TESK2: variants seen among roughly 807,000 people sequenced by gnomAD.
TESK2 encodes dual specificity testis-specific protein kinase 2.
Under a neutral mutation model 57.1 loss-of-function variants are expected in TESK2, and 39 were observed. The observed-to-expected ratio is 0.68, with a 90% CI of 0.53 to 0.89. The LOEUF is 0.89. Ranked by LOEUF, TESK2 falls within the 40% of genes least tolerant of loss-of-function variation. TESK2 has a pLI of 0.00. For synonymous variants in TESK2, 249 were observed against 267.9 expected, an observed-to-expected ratio of 0.93 and a Z score of 0.69; for missense variants, 646 against 732.1, an observed-to-expected ratio of 0.88 and a Z score of 1.36.
intron 2 of TESK2, 57 bp downstream of exon 2, chr1:45,457,507 C>A: frequency 4.0e-6 from 6 of 1,499,682 alleles, no homozygotes; most frequent in Non-Finnish European, 5.6e-6. Context: ...CAACTATCAA[C>A]CTGCAGTAAA....
intron 1 of TESK2, among the ~76,000 whole-genome samples, chr1:45,471,210 G>A (rs1053587107): frequency 6.6e-5 from 10 of 151,884 alleles, no homozygotes; most frequent in East Asian, 1.9e-4. Flanking sequence ...CAGCCTGGTC[G>A]ACAGAGCAAG....
intron 1 of TESK2, among the ~76,000 whole-genome samples, chr1:45,459,590 C>T (rs1007870916): frequency 2.6e-5 from 4 of 152,170 alleles, no homozygotes; most frequent in Non-Finnish European, 5.9e-5. Context: ...ACCTATAATC[C>T]TAACACTTTG....
At chr1:45,463,976 T>C (rs941763532) in intron 1 of TESK2, among the ~76,000 whole-genome samples, 6 of 152,178 alleles carry the variant, frequency 3.9e-5, no homozygotes, top group Admixed American at 2.6e-4. Flanking sequence ...ATGTGATTCC[T>C]CCAGTTTTGT....
chr1:45,486,853 G>A (rs1470017217), intron 1 of TESK2, among the ~76,000 whole-genome samples: 2 of 107,024 alleles, frequency 1.9e-5, no homozygotes, highest in Non-Finnish European at 3.7e-5. Context: ...ACGGACTTTC[G>A]CTCTTGTTGC....
rs141882733 is a variant in TESK2 at position 45,359,482 on chromosome 1, C to T, written c.394-4033G>A. ...GGCTGAGGCAGGAGAATCACTTGAA[C>T]CCGGGAGGCGGAGGCTGCAGTGAAG... On this transcript the variant is annotated intron_variant, in intron 4 of 10. Coordinates refer to ENST00000372086, the MANE Select transcript of TESK2 (RefSeq NM_007170.3). Among the ~76,000 whole-genome samples, 353 of 151,820 alleles carry T rather than the reference C, an allele frequency of 2.3e-3. 6 individuals carry two copies. The East Asian group carries it at 0.031, about 13-fold the overall frequency.
intron 2 of TESK2, among the ~76,000 whole-genome samples, chr1:45,441,026 T>G (rs1557574941): frequency 6.6e-6 from 1 of 152,218 alleles, no homozygotes; most frequent in Non-Finnish European, 1.5e-5. Flanking sequence ...TCACTGTAGC[T>G]TTCAGAGACC....
intron 2 of TESK2, among the ~76,000 whole-genome samples, chr1:45,434,159 A>AATTTTTGT (rs1651091699): frequency 6.6e-6 from 1 of 151,902 alleles, no homozygotes; most frequent in Admixed American, 6.6e-5. Context: ...ACACCCAGTT[A>AATTTTTGT]ATTTTTGTAT....
intron 2 of TESK2, among the ~76,000 whole-genome samples, chr1:45,439,519 A>G (rs1413275777): frequency 2.0e-5 from 3 of 152,222 alleles, no homozygotes; most frequent in Non-Finnish European, 4.4e-5. Context: ...TATTTATAAC[A>G]TTATTCTAAT....
At chr1:45,452,087 A>ATCTGGTTT (rs1651896638) in intron 2 of TESK2, among the ~76,000 whole-genome samples, 1 of 151,568 alleles carries the variant, frequency 6.6e-6, no homozygotes. Context: ...AAGCTATCTA[A>ATCTGGTTT]TCTGGTTTTT....
chr1:45,384,593 ATTTTTTTTTTTTTTTTTT>A lies in TESK2; in HGVS notation c.393+1301_393+1318del, dbSNP rs59988269. On this transcript the variant is annotated intron_variant, in intron 4 of 10. Coordinates refer to ENST00000372086, the MANE Select transcript of TESK2 (RefSeq NM_007170.3). ...TGCCATCACATCCAGCTAATTATTA[ATTTTTTTTTTTTTTTTTT>A]TTTTTTTTTTTTTTTGTAGAGACAG... Among the ~76,000 whole-genome samples, 205 of 70,902 alleles carry A rather than the reference ATTTTTTTTTTTTTTTTTT, an allele frequency of 2.9e-3. 1 individual carries two copies. Among genetic ancestry groups the A allele is most frequent in the African/African-American group, 0.011 (196 of 17,582 alleles). The allele number at this position is 70,902 out of a possible 152,430, so 46.5% of individuals were successfully genotyped here.
At chr1:45,396,831 G>A (rs1371242208) in intron 3 of TESK2, among the ~76,000 whole-genome samples, 2 of 85,230 alleles carry the variant, frequency 2.3e-5, no homozygotes, top group Non-Finnish European at 4.3e-5. Flanking sequence ...TTTTTTTTGA[G>A]ATGGAGTCTC....
intron 3 of TESK2, among the ~76,000 whole-genome samples, chr1:45,394,175 C>G (rs939829417): frequency 1.3e-5 from 2 of 151,820 alleles, no homozygotes; most frequent in Non-Finnish European, 2.9e-5. Flanking sequence ...AGGTCTTGCT[C>G]TGTCGCCCAG....
At chr1:45,436,532 C>T (rs1219051152) in intron 2 of TESK2, among the ~76,000 whole-genome samples, 1 of 119,018 alleles carries the variant, frequency 8.4e-6, no homozygotes, top group African/African-American at 3.3e-5. Context: ...TCTTGTTGCC[C>T]AGGCTGGAGT....
intron 2 of TESK2, among the ~76,000 whole-genome samples, chr1:45,452,388 G>T (rs935449322): frequency 2.0e-5 from 3 of 151,912 alleles, no homozygotes; most frequent in Admixed American, 6.6e-5. Context: ...CTTCAAAAAA[G>T]AATTACTATC....
chr1:45,393,308 T>A (rs375101010), intron 3 of TESK2, among the ~76,000 whole-genome samples: 6 of 152,152 alleles, frequency 3.9e-5, no homozygotes, highest in Admixed American at 6.5e-5. Context: ...AATAACCATA[T>A]CACAATCGTG....
chr1:45,449,467 C>G (rs1651787303), intron 2 of TESK2, among the ~76,000 whole-genome samples: 1 of 152,012 alleles, frequency 6.6e-6, no homozygotes, highest in South Asian at 2.1e-4. Flanking sequence ...AATAGGTGAG[C>G]AGATAAGCTG....
chr1:45,471,598 G>C (rs1367944890), intron 1 of TESK2, among the ~76,000 whole-genome samples: 1 of 151,782 alleles, frequency 6.6e-6, no homozygotes, highest in Non-Finnish European at 1.5e-5. Flanking sequence ...AGTGGAGATG[G>C]GGTTTCACTA....
chr1:45,408,821 T>A (rs1570699675), intron 3 of TESK2, among the ~76,000 whole-genome samples: 1 of 152,092 alleles, frequency 6.6e-6, no homozygotes, highest in Admixed American at 6.6e-5. Flanking sequence ...TATCCCCCCA[T>A]CTCCTCTTTT....
chr1:45,480,962 T>C (rs1015305707), intron 1 of TESK2, among the ~76,000 whole-genome samples: 9 of 151,614 alleles, frequency 5.9e-5, no homozygotes, highest in African/African-American at 2.2e-4. Context: ...CACTCCAGCC[T>C]GGGTGATGAA....
Sources: gnomAD v4.1 joint callset for allele counts (sites outside exome capture counted in the v4.1 genomes callset) on GRCh38, gnomAD v4.1.1 for gene constraint, MANE v1.5 for transcripts, NCBI Gene and HGNC (gene_info 2026-07-23, HGNC 2026-07-21) for gene names.